Variants in ACSS1 observed in about 807,000 individuals in gnomAD.
ACSS1 encodes the protein acyl-CoA synthetase short chain family member 1, also known as acetyl-coenzyme A synthetase 2-like, mitochondrial.
A neutral mutation model predicts 75.3 loss-of-function variants in ACSS1; 42 were observed. That is an observed-to-expected ratio of 0.56 (90% CI 0.44 to 0.72). The LOEUF (loss-of-function observed/expected upper bound fraction) is 0.72. Among genes scored for constraint, ACSS1 ranks in the 30% least tolerant of loss-of-function variants. The pLI is 0.00. For synonymous variants in ACSS1, 380 were observed against 376.8 expected (o/e 1.01, Z -0.10); for missense variants, 782 against 935.7 (o/e 0.84, Z 2.14).
rs1449644734 is a variant in ACSS1, at chr20:25,012,842, C to T, written c.1677G>A (p.Arg559=). The change falls in exon 11 of 14, where the codon CGG becomes CGA. Residue 559 remains arginine, a synonymous_variant. Transcript: ENST00000323482. ...MDDVINISGH[R]LGTAEIEDAI... is the part of the protein sequence containing the mutation. ...CGTCCTCAATCTCTGCGGTCCCCAG[C>T]CGGTGGCCACTGATGTTGATGACAT... 1 of 1,614,068 alleles carries T rather than the reference C, an allele frequency of 6.2e-7. No individual in the cohort carries two copies. Among genetic ancestry groups the T allele is most frequent in the African/African-American group, 1.3e-5 (1 of 74,930 alleles).
intron 8 of ACSS1, 64 bp from the exon 9 acceptor site, chr20:25,014,137 G>C: frequency 1.4e-5 from 19 of 1,366,294 alleles, no homozygotes; most frequent in Non-Finnish European, 1.9e-5. Context: ...TGTATCCAGA[G>C]TGGGTGGTAG....
At chr20:25,021,593 A>G in intron 5 of ACSS1, 57 bp from the exon 6 acceptor site, 1 of 1,585,604 alleles carries the variant, frequency 6.3e-7, no homozygotes, top group Non-Finnish European at 8.6e-7. Flanking sequence ...CCATGTTCAC[A>G]CCAGGTCACT....
At chr20:25,034,241 C>T (rs960005604) in intron 2 of ACSS1, among the ~76,000 whole-genome samples, 1 of 152,192 alleles carries the variant, frequency 6.6e-6, no homozygotes, top group African/African-American at 2.4e-5. Context: ...CATGGGGCCA[C>T]ATCTCTGTCA....
chr20:25,048,703 C>T (rs1270901868), intron 1 of ACSS1, among the ~76,000 whole-genome samples: 3 of 152,258 alleles, frequency 2.0e-5, no homozygotes, highest in Non-Finnish European at 2.9e-5. Context: ...ACGTGTTCCA[C>T]GAGCACCCAG....
chr20:25,046,759 A>G (rs779946034), intron 2 of ACSS1: 12 of 778,502 alleles, frequency 1.5e-5, no homozygotes, highest in African/African-American at 3.4e-5. Context: ...AGCCAAGCAC[A>G]CTCCAGTGTG....
intron 1 of ACSS1, among the ~76,000 whole-genome samples, chr20:25,053,230 A>T (rs1600353884): frequency 7.5e-6 from 1 of 133,434 alleles, no homozygotes; most frequent in African/African-American, 2.9e-5. Flanking sequence ...CGCTCGGCTA[A>T]TTTTTTTTTT....
chr20:25,057,724 G>C lies in ACSS1; in HGVS notation c.334+45C>G, dbSNP rs369877675. 8 of 1,509,990 alleles carry C rather than the reference G, an allele frequency of 5.3e-6. No homozygotes were observed. In the African/African-American group the frequency reaches 9.7e-5, roughly 18 times the overall value. 93.5% of individuals were successfully genotyped at this position (1,509,990 alleles called of 1,614,324 possible). A position where few individuals can be genotyped will look rare whatever the true frequency, so the allele number is the denominator to read the frequency against. ...GGCGAGAGGCTCCGAGTCCCCTCGG[G>C]ACCCAAGAGTTGGGGGCGTCCTGGG... On this transcript the variant is annotated intron_variant, in intron 1 of 13. Coordinates refer to ENST00000323482, the MANE Select transcript of ACSS1 (RefSeq NM_032501.4).
intron 1 of ACSS1, among the ~76,000 whole-genome samples, chr20:25,053,060 CT>C (rs1171891974): frequency 0.011 from 1,336 of 118,114 alleles, 3 homozygotes; most frequent in Non-Finnish European, 0.015. Context: ...TCACAATGAG[CT>C]TTTTTTTTTT....
At chr20:25,008,438 G>T (rs2088348480) in intron 13 of ACSS1, among the ~76,000 whole-genome samples, 1 of 152,238 alleles carries the variant, frequency 6.6e-6, no homozygotes, top group Non-Finnish European at 1.5e-5. Flanking sequence ...TAAGAGCTGT[G>T]TTTGGGATCT....
chr20:25,014,213 G>T lies in ACSS1; in HGVS notation c.1340-140C>A, dbSNP rs2088475141. The T allele has an allele frequency of 7.1e-6, 5 of 705,816 alleles. No individual in the cohort carries two copies. In the South Asian group the frequency reaches 8.6e-5, roughly 12 times the overall value. The allele number at this position is 705,816 out of a possible 1,614,324, so 43.7% of individuals were successfully genotyped here. ...GCACAACGATCTTTGAGGCAAACCA[G>T]ATGTGGGTCTGGTGCCCTCCACTGT... On this transcript the variant is annotated intron_variant, in intron 8 of 13. Transcript: ENST00000323482.
At chr20:25,040,146 G>C (rs2088977362) in intron 2 of ACSS1, among the ~76,000 whole-genome samples, 3 of 152,138 alleles carry the variant, frequency 2.0e-5, no homozygotes, top group South Asian at 2.1e-4. Flanking sequence ...ACTTTCCCCT[G>C]TGGTTAAAAA....
chr20:25,012,747 C>T lies in ACSS1; in HGVS notation c.1707+65G>A, dbSNP rs867130356. 1.7e-5 allele frequency: 27 copies of T among 1,612,948 alleles called. No individual in the cohort carries two copies. In the Middle Eastern group the frequency reaches 2.8e-3, roughly 168 times the overall value. On this transcript the variant is annotated intron_variant, in intron 11 of 13. Coordinates refer to ENST00000323482, the MANE Select transcript of ACSS1 (RefSeq NM_032501.4). ...CTCGGGCCAGGGACTCCCACCCCAACTTGCAGGTCCACAGGGGCATCATGG... is the reference window on the plus strand; with the variant it reads ...CTCGGGCCAGGGACTCCCACCCCAATTTGCAGGTCCACAGGGGCATCATGG...
At chr20:25,017,714 G>A (rs1247653283) in intron 7 of ACSS1, among the ~76,000 whole-genome samples, 1 of 152,212 alleles carries the variant, frequency 6.6e-6, no homozygotes, top group East Asian at 1.9e-4. Flanking sequence ...GAGGCTGCTG[G>A]GATACACATC....
chr20:25,057,938 T>C lies in ACSS1; in HGVS notation c.165A>G (p.Pro55=), dbSNP rs2089268200. 6.2e-7 allele frequency: 1 copy of C among 1,606,250 alleles called. No homozygotes were observed. The highest frequency in any genetic ancestry group is 1.7e-5 in the Admixed American group (1 of 59,248). Residue 55 remains proline (P), a synonymous_variant, in exon 1 of 14, where the codon CCA becomes CCG. Coordinates refer to ENST00000323482, the MANE Select transcript of ACSS1 (RefSeq NM_032501.4). The part of the protein sequence containing the change: ...APAVAAAAAQ[P]GSYPALSAQA... The stretch of plus-strand genomic sequence containing the variant: ...GTGCACTCAGCGCGGGATACGAGCC[T>C]GGCTGTGCTGCTGCTGCTGCAACTG...
chr20:25,057,979 AGGG>A lies in ACSS1; in HGVS notation c.121_123del (p.Pro41del). ...GCTGCAACTGCGGGAGCGCTGCCCG[AGGG>A]TCCCGAGGCCGCCCTGCGCGGCGCG... On this transcript the variant is annotated inframe_deletion, in exon 1 of 14. Transcript: ENST00000323482. 6.4e-7 allele frequency: 1 copy of A among 1,556,308 alleles called. No homozygotes were observed. Among genetic ancestry groups the A allele is most frequent in the African/African-American group, 1.4e-5 (1 of 72,750 alleles).
chr20:25,011,853 GC>G (rs1568827816), intron 12 of ACSS1: 1 of 152,310 alleles, frequency 6.6e-6, no homozygotes, highest in Non-Finnish European at 1.5e-5. Flanking sequence ...GGGAGGGCAA[GC>G]CTGACCCCAA....
At chr20:25,040,809 C>T (rs1044045029) in intron 2 of ACSS1, among the ~76,000 whole-genome samples, 1 of 152,218 alleles carries the variant, frequency 6.6e-6, no homozygotes, top group Non-Finnish European at 1.5e-5. Flanking sequence ...TTTGCAGCCA[C>T]ACCCCAGAAG....
At chr20:25,047,489 G>C (rs1225270859) in intron 2 of ACSS1, among the ~76,000 whole-genome samples, 1 of 152,188 alleles carries the variant, frequency 6.6e-6, no homozygotes, top group Admixed American at 6.5e-5. Context: ...ATACTGACAC[G>C]AAGGCACCCA....
At chr20:25,046,928 G>C (rs185141871) in intron 2 of ACSS1, 2 of 779,500 alleles carry the variant, frequency 2.6e-6, no homozygotes, top group Admixed American at 1.7e-5. Flanking sequence ...TGGGGGAGAC[G>C]GGTCAGCAAA....
Sources: gnomAD v4.1 joint callset for allele counts (sites outside exome capture counted in the v4.1 genomes callset) on GRCh38, gnomAD v4.1.1 for gene constraint, MANE v1.5 for transcripts, NCBI Gene and HGNC (gene_info 2026-07-23, HGNC 2026-07-21) for gene names.